Variants in RINT1 observed in about 807,000 individuals in gnomAD.
RINT1 encodes RAD50-interacting protein 1.
A neutral mutation model predicts 97.7 loss-of-function variants in RINT1; 75 were observed. That is an observed-to-expected ratio of 0.77 (90% CI 0.64 to 0.93). The LOEUF (loss-of-function observed/expected upper bound fraction) is 0.93. RINT1 is among the 40% of genes least tolerant of loss of function. The pLI is 0.00. For missense variants in RINT1, 892 were observed against 925.2 expected (o/e 0.96, Z 0.47); for synonymous variants, 303 against 326.3 (o/e 0.93, Z 0.77).
chr7:105,550,201 A>G, intron 8 of RINT1, 36 bp downstream of exon 8: 4 of 1,604,268 alleles, frequency 2.5e-6, no homozygotes, highest in Non-Finnish European at 2.6e-6. Context: ...CTGTTTTAGA[A>G]CTGTATGTGT....
At chr7:105,564,496 A>G (rs1201886400) in intron 12 of RINT1, among the ~76,000 whole-genome samples, 1 of 152,134 alleles carries the variant, frequency 6.6e-6, no homozygotes, top group Non-Finnish European at 1.5e-5. Context: ...CATTTTGCAA[A>G]GTAAAGTGCA....
At chr7:105,549,971 C>A in intron 7 of RINT1, 84 bp from the exon 8 acceptor site, 1 of 816,510 alleles carries the variant, frequency 1.2e-6, no homozygotes, top group Non-Finnish European at 2.0e-6. Flanking sequence ...AAGTGTTGTG[C>A]ATATACAATT....
In RINT1 at chr7:105,532,220, C is replaced by A; in HGVS notation, c.-96C>A. ...GTCGCTGTGGCACTCAGTCCTACGG[C>A]CTCCGAGGCTGGGTAGTGAGTGTGT... On this transcript the variant is annotated 5_prime_UTR_variant, in exon 1 of 15. Transcript: ENST00000257700. The A allele has an allele frequency of 7.3e-7, 1 of 1,373,736 alleles. No individual in the cohort carries two copies. The highest frequency in any genetic ancestry group is 9.9e-7 in the Non-Finnish European group (1 of 1,008,250). The allele number at this position is 1,373,736 out of a possible 1,614,324, so 85.1% of individuals were successfully genotyped here.
intron 3 of RINT1, 143 bp downstream of exon 3, chr7:105,536,892 C>T (rs111663062): frequency 1.7e-5 from 7 of 401,216 alleles, no homozygotes; most frequent in African/African-American, 8.3e-5. Context: ...GATTTAAGAA[C>T]GTACATTGTA....
chr7:105,561,762 A>G (rs2133453298), intron 11 of RINT1, among the ~76,000 whole-genome samples: 1 of 151,988 alleles, frequency 6.6e-6, no homozygotes, highest in Admixed American at 6.5e-5. Context: ...GCATTTCACT[A>G]TGTTGGCCAG....
rs1562849887 is a variant in RINT1, at chr7:105,550,161, C to T, written c.1103C>T (p.Ala368Val). 6.2e-7 allele frequency: 1 copy of T among 1,611,024 alleles called. No individual in the cohort carries two copies. Among genetic ancestry groups the T allele is most frequent in the East Asian group, 2.2e-5 (1 of 44,860 alleles). ...ILDKVGSLVN[A>V]RLEFSRGLMM... Reference sequence around the variant, plus strand: ...GACAAAGTAGGCTCTTTGGTAAACGCAAGGGTAAGAGACTCAGTCATAAGT... The same window carrying T: ...GACAAAGTAGGCTCTTTGGTAAACGTAAGGGTAAGAGACTCAGTCATAAGT... Residue 368 changes from alanine to valine, a missense_variant, in exon 8 of 15, where the codon GCA becomes GTA. By Grantham distance (64) the Ala-to-Val change is moderately conservative. Coordinates refer to ENST00000257700, the MANE Select transcript of RINT1 (RefSeq NM_021930.6).
chr7:105,560,739 A>AGAC (rs1157954259), intron 11 of RINT1, among the ~76,000 whole-genome samples: 4 of 151,354 alleles, frequency 2.6e-5, no homozygotes, highest in Admixed American at 2.0e-4. Context: ...TTTTTTTTTG[A>AGAC]GACAAGAGTC....
rs79452039 is a variant in RINT1, at chr7:105,548,396, T to C, written c.840-158T>C. On this transcript the variant is annotated intron_variant, in intron 6 of 14. Transcript: ENST00000257700. ...ATATAAAGAATTAACTGTATGTTTA[T>C]TCAATATAAAATTAGGTTACATATT... Among the ~76,000 whole-genome samples, 6 of 152,342 alleles carry C rather than the reference T, an allele frequency of 3.9e-5. No individual in the cohort carries two copies. In the East Asian group the frequency reaches 9.6e-4, roughly 24 times the overall value.
At chr7:105,552,825 T>C (rs560248884) in intron 10 of RINT1, among the ~76,000 whole-genome samples, 1 of 151,746 alleles carries the variant, frequency 6.6e-6, no homozygotes, top group East Asian at 1.9e-4. Flanking sequence ...AGGCACCTGC[T>C]GCCACGCCCA....
At position 105,550,423 on chromosome 7, in the gene RINT1, A is replaced by T. The variant is rs537650844; in HGVS notation, c.1270A>T (p.Ser424Cys). 4.8e-5 allele frequency: 78 copies of T among 1,614,032 alleles called. No individual in the cohort carries two copies. Among genetic ancestry groups the T allele is most frequent in the Non-Finnish European group, 6.5e-5 (77 of 1,180,024 alleles). The change falls in exon 9 of 15, where the codon AGT (serine) becomes TGT (cysteine). Residue 424 changes from serine to cysteine, a missense_variant. Ser to Cys is a moderately radical substitution (Grantham distance 112). Coordinates refer to ENST00000257700, the MANE Select transcript of RINT1 (RefSeq NM_021930.6). ...TCATGGCTATCCTGGCACTTTTGCT[A>T]GTTGTATGCATATTCTATCAGAGGA... ...SVHGYPGTFA[S>C]CMHILSEETC...
intron 4 of RINT1, among the ~76,000 whole-genome samples, chr7:105,545,256 G>A (rs368978186): frequency 2.0e-5 from 3 of 151,360 alleles, no homozygotes; most frequent in African/African-American, 7.3e-5. Context: ...TCTGTGACCA[G>A]TCTGGGCAAC....
At chr7:105,549,982 A>T in intron 7 of RINT1, 73 bp from the exon 8 acceptor site, 2 of 965,702 alleles carry the variant, frequency 2.1e-6, no homozygotes, top group Non-Finnish European at 3.2e-6. Context: ...ATATACAATT[A>T]AATAGAACCA....
intron 7 of RINT1, among the ~76,000 whole-genome samples, chr7:105,549,389 C>T (rs947855417): frequency 6.6e-6 from 1 of 151,692 alleles, no homozygotes; most frequent in Admixed American, 6.6e-5. Flanking sequence ...ACTCTTGTTG[C>T]CCAGGCTGGA....
rs529224092 is a variant in RINT1 at position 105,537,271 on chromosome 7, C to T, written c.273+522C>T. 9.2e-5 allele frequency among the ~76,000 whole-genome samples: 14 copies of T among 151,806 alleles called. No individual in the cohort carries two copies. In the South Asian group the frequency reaches 1.0e-3, roughly 11 times the overall value. ...TTAGCCTCCCATGTAGCTGGGATTA[C>T]AGGCATGTGTCACCCTGCCCAGCTA... is the stretch of plus-strand genomic sequence containing the variant. On this transcript the variant is annotated intron_variant, in intron 3 of 14. Transcript: ENST00000257700.
rs760271919 is a variant in RINT1, at chr7:105,546,951, A to G, written c.557A>G (p.Glu186Gly). 6.2e-7 allele frequency: 1 copy of G among 1,612,922 alleles called. No individual in the cohort carries two copies. The highest frequency in any genetic ancestry group is 1.1e-5 in the South Asian group (1 of 90,662). ...TATCTGATGACCAATAATGTACCGG[A>G]GGCAGCCTCCACTCTAGTGTCTATG... is the stretch of plus-strand genomic sequence containing the variant. ...QQYLMTNNVPEAASTLVSMAE... is the reference protein window; with the variant it reads ...QQYLMTNNVPGAASTLVSMAE... Residue 186 changes from glutamate (E) to glycine (G), a missense_variant, in exon 5 of 15, where the codon GAG becomes GGG. Coordinates refer to ENST00000257700, the MANE Select transcript of RINT1 (RefSeq NM_021930.6).
intron 4 of RINT1, among the ~76,000 whole-genome samples, chr7:105,545,514 G>GTATA (rs200060805): frequency 1.4e-5 from 2 of 143,716 alleles, no homozygotes; most frequent in African/African-American, 5.1e-5. Context: ...TGTAATATTT[G>GTATA]TATATATATA....
intron 10 of RINT1, among the ~76,000 whole-genome samples, chr7:105,553,537 AGTGAAACCCC>A (rs914586498): frequency 4.0e-5 from 6 of 150,678 alleles, no homozygotes; most frequent in African/African-American, 1.5e-4. Context: ...TGGCTAACAC[AGTGAAACCCC>A]GTCTCTACTA....
intron 3 of RINT1, among the ~76,000 whole-genome samples, chr7:105,537,768 G>A (rs766453593): frequency 5.1e-4 from 77 of 151,842 alleles, no homozygotes; most frequent in Non-Finnish European, 9.3e-4. Flanking sequence ...CCCAGGAGGC[G>A]GAGTTTGCTG....
intron 10 of RINT1, among the ~76,000 whole-genome samples, chr7:105,552,399 A>AT: frequency 6.6e-6 from 1 of 152,244 alleles, no homozygotes. Context: ...TAATGAAGTA[A>AT]TTTTAAGGAT....
Sources: gnomAD v4.1 joint callset for allele counts (sites outside exome capture counted in the v4.1 genomes callset) on GRCh38, gnomAD v4.1.1 for gene constraint, MANE v1.5 for transcripts, NCBI Gene and HGNC (gene_info 2026-07-23, HGNC 2026-07-21) for gene names.